EPHA6: variants seen among roughly 807,000 people sequenced by gnomAD.
The protein encoded by EPHA6 is ephrin type-A receptor 6.
Under a neutral mutation model 112.0 loss-of-function variants are expected in EPHA6, and 50 were observed. That is an observed-to-expected ratio of 0.45 (90% CI 0.36 to 0.56). The LOEUF is 0.56. EPHA6 is among the 20% of genes least tolerant of loss of function. EPHA6 has a pLI of 0.00. For synonymous variants in EPHA6, 529 were observed against 490.7 expected (o/e 1.08, Z -1.03); for missense variants, 1,280 against 1,417.4 (o/e 0.90, Z 1.56).
intron 10 of EPHA6, among the ~76,000 whole-genome samples, chr3:97,530,651 A>C (rs960405148): frequency 1.3e-5 from 2 of 151,338 alleles, no homozygotes; most frequent in African/African-American, 4.8e-5. Context: ...TACAAGATTT[A>C]TAAAACGCCA....
intron 3 of EPHA6, among the ~76,000 whole-genome samples, chr3:96,988,701 A>T (rs1297825396): frequency 6.6e-6 from 1 of 152,164 alleles, no homozygotes; most frequent in Non-Finnish European, 1.5e-5. Flanking sequence ...ATTATTACAT[A>T]GAATTTTTCA....
chr3:96,873,556 G>A (rs183179457), intron 2 of EPHA6, among the ~76,000 whole-genome samples: 2 of 152,122 alleles, frequency 1.3e-5, no homozygotes, highest in Non-Finnish European at 1.5e-5. Flanking sequence ...TGCAATGAAC[G>A]GTCCTGAAAT....
At chr3:97,358,206 T>C (rs2084184643) in intron 5 of EPHA6, among the ~76,000 whole-genome samples, 1 of 152,160 alleles carries the variant, frequency 6.6e-6, no homozygotes, top group African/African-American at 2.4e-5. Context: ...GTGAAATATT[T>C]AAATTTCCTC....
At chr3:97,243,726 A>G (rs1241716882) in intron 4 of EPHA6, among the ~76,000 whole-genome samples, 1 of 151,896 alleles carries the variant, frequency 6.6e-6, no homozygotes, top group Non-Finnish European at 1.5e-5. Context: ...TTAAATATTG[A>G]AATTCATACT....
At chr3:96,825,016 G>A (rs1012857852) in intron 1 of EPHA6, among the ~76,000 whole-genome samples, 2 of 152,016 alleles carry the variant, frequency 1.3e-5, no homozygotes, top group Admixed American at 1.3e-4. Context: ...CTGAGAACTT[G>A]AGAAGCTTGA....
At chr3:97,480,016 A>G (rs2107479300) in intron 9 of EPHA6, among the ~76,000 whole-genome samples, 1 of 152,302 alleles carries the variant, frequency 6.6e-6, no homozygotes, top group East Asian at 1.9e-4. Flanking sequence ...TTAACAAGAA[A>G]GGGATGTTCT....
chr3:97,033,053 G>GA (rs1311863692), intron 3 of EPHA6, among the ~76,000 whole-genome samples: 2 of 149,742 alleles, frequency 1.3e-5, no homozygotes, highest in African/African-American at 2.5e-5. Context: ...CCCAAATGTG[G>GA]AAAAAAAGAA....
intron 3 of EPHA6, among the ~76,000 whole-genome samples, chr3:97,016,002 C>A (rs575319690): frequency 6.6e-5 from 10 of 150,960 alleles, no homozygotes; most frequent in African/African-American, 2.2e-4. Flanking sequence ...ATTTGGCTAA[C>A]CTGCAGTTTG....
At chr3:96,941,988 G>A (rs1282617764) in intron 2 of EPHA6, among the ~76,000 whole-genome samples, 1 of 152,222 alleles carries the variant, frequency 6.6e-6, no homozygotes, top group African/African-American at 2.4e-5. Context: ...TTGTCTCAGA[G>A]GAGTATGCAG....
chr3:97,265,470 C>T (rs922395380), intron 5 of EPHA6, among the ~76,000 whole-genome samples: 1 of 152,192 alleles, frequency 6.6e-6, no homozygotes, highest in Non-Finnish European at 1.5e-5. Flanking sequence ...CAAGCAGGCA[C>T]ATATCCGGCA....
chr3:96,952,625 T>A (rs1014730679), intron 2 of EPHA6, among the ~76,000 whole-genome samples: 1 of 152,228 alleles, frequency 6.6e-6, no homozygotes, highest in African/African-American at 2.4e-5. Context: ...GTCTCAATAT[T>A]GTTATAGCAA....
At chr3:96,992,271 G>C (rs2043245342) in intron 3 of EPHA6, among the ~76,000 whole-genome samples, 1 of 152,080 alleles carries the variant, frequency 6.6e-6, no homozygotes, top group Non-Finnish European at 1.5e-5. Flanking sequence ...TGATCTTCCA[G>C]CCTCTACTCA....
chr3:97,185,664 A>G (rs1422309518), intron 3 of EPHA6, among the ~76,000 whole-genome samples: 2 of 152,110 alleles, frequency 1.3e-5, no homozygotes, highest in Non-Finnish European at 2.9e-5. Flanking sequence ...GCGATTCCTC[A>G]GGGATCTAGA....
intron 3 of EPHA6, among the ~76,000 whole-genome samples, chr3:97,063,008 C>CT (rs2046069736): frequency 6.6e-6 from 1 of 151,942 alleles, no homozygotes; most frequent in African/African-American, 2.4e-5. Context: ...TAAATACCCT[C>CT]TCATACCAGT....
chr3:97,664,273 C>G (rs1212364536), intron 14 of EPHA6, among the ~76,000 whole-genome samples: 2 of 152,156 alleles, frequency 1.3e-5, no homozygotes, highest in Non-Finnish European at 2.9e-5. Flanking sequence ...AATTTTCTCC[C>G]ATTCTGTAGG....
chr3:97,179,828 A>C (rs1024992642), intron 3 of EPHA6, among the ~76,000 whole-genome samples: 3 of 149,986 alleles, frequency 2.0e-5, no homozygotes, highest in Admixed American at 1.3e-4. Context: ...TTGTAACTGC[A>C]CTGGGTCAGA....
chr3:96,879,665 C>T (rs1235746715), intron 2 of EPHA6, among the ~76,000 whole-genome samples: 1 of 152,108 alleles, frequency 6.6e-6, no homozygotes, highest in Non-Finnish European at 1.5e-5. Flanking sequence ...CCGTTTGTGT[C>T]ATCTGTGATT....
chr3:97,728,711 G>A (rs2034894288), intron 15 of EPHA6, among the ~76,000 whole-genome samples: 1 of 152,136 alleles, frequency 6.6e-6, no homozygotes, highest in South Asian at 2.1e-4. Flanking sequence ...TCAATGAAGA[G>A]TCAGAGACTT....
chr3:97,065,582 G>A (rs760209035), intron 3 of EPHA6, among the ~76,000 whole-genome samples: 17 of 151,988 alleles, frequency 1.1e-4, no homozygotes, highest in Admixed American at 2.6e-4. Context: ...TGTAAGACTC[G>A]ATTTCTGATA....
Sources: allele counts gnomAD v4.1 joint callset (sites outside exome capture counted in the v4.1 genomes callset), GRCh38; gene constraint gnomAD v4.1.1; transcripts MANE v1.5; gene names NCBI Gene and HGNC (gene_info 2026-07-23, HGNC 2026-07-21).